The following ABHD10 variants were observed in gnomAD, a reference collection of about 807,000 sequenced individuals.
ABHD10 encodes palmitoyl-protein thioesterase ABHD10, mitochondrial.
Under a neutral mutation model 33.1 loss-of-function variants are expected in ABHD10, and 22 were observed. That is an observed-to-expected ratio of 0.66 (90% CI 0.47 to 0.95). The LOEUF is 0.95. ABHD10 is among the 40% of genes least tolerant of loss of function. ABHD10 has a pLI of 0.00. For synonymous variants in ABHD10, 146 were observed against 133.9 expected, an observed-to-expected ratio of 1.09 and a Z score of -0.62; for missense variants, 352 against 379.9, an observed-to-expected ratio of 0.93 and a Z score of 0.61.
intron 1 of ABHD10, among the ~76,000 whole-genome samples, chr3:111,979,864 A>C (rs1478669320): frequency 6.6e-6 from 1 of 152,224 alleles, no homozygotes; most frequent in African/African-American, 2.4e-5. Context: ...TTGGAGTGGT[A>C]ATTAATGTCA....
chr3:111,988,183 G>A (rs942234013), intron 4 of ABHD10, among the ~76,000 whole-genome samples: 1 of 152,172 alleles, frequency 6.6e-6, no homozygotes, highest in Admixed American at 6.5e-5. Flanking sequence ...ATTAATACCT[G>A]TGCCATATAT....
chr3:111,983,175 A>C (rs2072607571), intron 2 of ABHD10, among the ~76,000 whole-genome samples: 1 of 152,168 alleles, frequency 6.6e-6, no homozygotes, highest in South Asian at 2.1e-4. Flanking sequence ...CAGTATACTT[A>C]ATTGCATAAA....
Position 111,987,136 on chromosome 3 carries a change from C to T in ABHD10, c.576+85C>T, listed in dbSNP as rs2072678487. The T allele has an allele frequency of 7.4e-6, 11 of 1,492,322 alleles. No homozygotes were observed. The South Asian group carries it at 1.2e-4, about 17-fold the overall frequency. The allele number at this position is 1,492,322 out of a possible 1,614,324, so 92.4% of individuals were successfully genotyped here. The stretch of plus-strand genomic sequence containing the variant: ...CCTCTTTCTTTGAGGGAAGGGGGGA[C>T]AGAAAACAATAATTCCTTTGACTTA... On this transcript the variant is annotated intron_variant, in intron 4 of 4. Transcript: ENST00000273359.
chr3:111,990,639 G>A (rs1374190482), intron 4 of ABHD10: 5 of 677,032 alleles, frequency 7.4e-6, no homozygotes, highest in Admixed American at 3.3e-5. Flanking sequence ...TGGCTTTCAG[G>A]AAGTATGTGG....
At chr3:111,979,256 C>T in intron 1 of ABHD10, 53 bp downstream of exon 1, 1 of 1,541,846 alleles carries the variant, frequency 6.5e-7, no homozygotes, top group Non-Finnish European at 8.8e-7. Context: ...GCCTCGGGTT[C>T]CGTCAGTTAC....
At position 111,992,122 on chromosome 3, in the gene ABHD10, C is replaced by G. The variant is rs1340416294; in HGVS notation, c.*401C>G. 6.5e-6 allele frequency: 1 copy of G among 154,550 alleles called. No homozygotes were observed. The highest frequency in any genetic ancestry group is 2.4e-5 in the African/African-American group (1 of 41,268). 9.6% of individuals were successfully genotyped at this position (154,550 alleles called of 1,614,324 possible). On this transcript the variant is annotated 3_prime_UTR_variant, in exon 5 of 5. Transcript: ENST00000273359. ...ACTTCTGATTTGAAAATGCAATTCA[C>G]AAAATATAGGGAAATTTTTATTGAA...
chr3:111,990,535 A>C (rs973274830), intron 4 of ABHD10, among the ~76,000 whole-genome samples: 4 of 151,898 alleles, frequency 2.6e-5, no homozygotes, highest in African/African-American at 9.7e-5. Flanking sequence ...TTTTAGAAAA[A>C]TTAAGATAAA....
chr3:111,991,867 A>T lies in ABHD10; in HGVS notation c.*146A>T. 1.7e-6 allele frequency: 1 copy of T among 602,030 alleles called. No homozygotes were observed. Among genetic ancestry groups the T allele is most frequent in the Non-Finnish European group, 2.6e-6 (1 of 378,158 alleles). The allele number at this position is 602,030 out of a possible 1,614,324, so 37.3% of individuals were successfully genotyped here. ...GTATTATTTAATGATGTATTTGCAT[A>T]AGTAATGCAAATTGTGAAGAAGGAC... On this transcript the variant is annotated 3_prime_UTR_variant, in exon 5 of 5. Coordinates refer to ENST00000273359, the MANE Select transcript of ABHD10 (RefSeq NM_018394.4).
At chr3:111,986,403 A>C (rs376093520) in intron 3 of ABHD10, 28 bp downstream of exon 3, 19 of 1,481,764 alleles carry the variant, frequency 1.3e-5, no homozygotes, top group Non-Finnish European at 1.7e-5. Context: ...TATGATGATA[A>C]TTACTGTAAC....
Position 111,979,067 on chromosome 3 carries a change from G to T in ABHD10, c.6G>T (p.Ala2=). M[A]VARLAAVAAW... ...GTGCGGGGACAACTACGAAGATGGC[G>T]GTTGCGCGCTTGGCAGCTGTGGCGG... is the stretch of plus-strand genomic sequence containing the variant. The change falls in exon 1 of 5, where the codon GCG becomes GCT. Residue 2 remains alanine (A), a synonymous_variant. Coordinates refer to ENST00000273359, the MANE Select transcript of ABHD10 (RefSeq NM_018394.4). 1.2e-6 allele frequency: 2 copies of T among 1,612,978 alleles called. No homozygotes were observed. Among genetic ancestry groups the T allele is most frequent in the Non-Finnish European group, 1.7e-6 (2 of 1,179,488 alleles).
At chr3:111,981,721 A>C in intron 1 of ABHD10, 63 bp from the exon 2 acceptor site, 1 of 1,359,832 alleles carries the variant, frequency 7.4e-7, no homozygotes, top group Non-Finnish European at 9.9e-7. Context: ...GATCGAAAAT[A>C]TATATGGTTT....
chr3:111,980,210 G>A (rs2072564837), intron 1 of ABHD10, among the ~76,000 whole-genome samples: 1 of 152,132 alleles, frequency 6.6e-6, no homozygotes, highest in African/African-American at 2.4e-5. Flanking sequence ...TTCTGGAAGA[G>A]GATAGTGAGA....
intron 4 of ABHD10, 22 bp from the exon 5 acceptor site, chr3:111,991,355 T>G: frequency 2.1e-6 from 1 of 482,472 alleles, no homozygotes; most frequent in Non-Finnish European, 3.2e-6. Context: ...AATACTTTTA[T>G]TTTTCTTTCT....
At chr3:111,986,746 T>C (rs1269820089) in intron 3 of ABHD10, among the ~76,000 whole-genome samples, 168 bp from the exon 4 acceptor site, 2 of 152,278 alleles carry the variant, frequency 1.3e-5, no homozygotes, top group East Asian at 3.8e-4. Context: ...AAGCTGTTTC[T>C]TTAGATATGA....
chr3:111,984,338 G>T (rs999275972), intron 2 of ABHD10, among the ~76,000 whole-genome samples: 1 of 152,030 alleles, frequency 6.6e-6, no homozygotes, highest in African/African-American at 2.4e-5. Context: ...CTTACTTACT[G>T]TACCAGCCAT....
chr3:111,990,744 T>G (rs1472669857), intron 4 of ABHD10: 39 of 1,405,524 alleles, frequency 2.8e-5, no homozygotes, highest in Non-Finnish European at 3.5e-5. Context: ...CAGCCTAAAA[T>G]TGCATGAGTA....
chr3:111,986,923 G>A lies in ABHD10; in HGVS notation c.448G>A (p.Gly150Arg). The A allele has an allele frequency of 2.5e-6, 4 of 1,584,802 alleles. No individual in the cohort carries two copies. The highest frequency in any genetic ancestry group is 3.4e-6 in the Non-Finnish European group (4 of 1,170,974). The change falls in exon 4 of 5, where the codon GGA becomes AGA. Residue 150 changes from glycine to arginine, a missense_variant. Physicochemically the swap from Gly to Arg is moderately radical, Grantham distance 125. Coordinates refer to ENST00000273359, the MANE Select transcript of ABHD10 (RefSeq NM_018394.4). ...TTTATTTTATTTTTAGATTCTTGTTGGATCTAGCCTTGGAGGGTGGCTTAT... is the reference window on the plus strand; with the variant it reads ...TTTATTTTATTTTTAGATTCTTGTTAGATCTAGCCTTGGAGGGTGGCTTAT... ...DLADGPQILVGSSLGGWLMLH... is the reference protein window; with the variant it reads ...DLADGPQILVRSSLGGWLMLH...
intron 1 of ABHD10, among the ~76,000 whole-genome samples, chr3:111,981,311 C>CAAAAAAA: frequency 1.1e-5 from 1 of 91,196 alleles, no homozygotes; most frequent in Middle Eastern, 5.7e-3. Flanking sequence ...GACCCTGTCT[C>CAAAAAAA]AAAAAAAAAA....
rs754310520 is a variant in ABHD10 at position 111,991,649 on chromosome 3, A to G, written c.849A>G (p.Glu283=). The G allele has an allele frequency of 1.2e-6, 2 of 1,614,098 alleles. No individual in the cohort carries two copies. Among genetic ancestry groups the G allele is most frequent in the Non-Finnish European group, 1.7e-6 (2 of 1,179,958 alleles). Residue 283 remains glutamate (E), a synonymous_variant, in exon 5 of 5, where the codon GAA becomes GAG. Coordinates refer to ENST00000273359, the MANE Select transcript of ABHD10 (RefSeq NM_018394.4). ...AACACAGTGATCACCGAATGAGGGA[A>G]AAAGCAGACATTCAACTTCTTGTTT... is the stretch of plus-strand genomic sequence containing the variant. The part of the protein sequence containing the change: ...LRKHSDHRMR[E]KADIQLLVYT...
Sources: gnomAD v4.1 joint callset for allele counts (sites outside exome capture counted in the v4.1 genomes callset) on GRCh38, gnomAD v4.1.1 for gene constraint, MANE v1.5 for transcripts, NCBI Gene and HGNC (gene_info 2026-07-23, HGNC 2026-07-21) for gene names.